BANP: variants seen among roughly 807,000 people sequenced by gnomAD.
BANP encodes the protein BTG3 associated nuclear protein.
BANP carries 11 observed loss-of-function variants against 68.1 expected under a neutral mutation model. The observed-to-expected ratio is 0.16, with a 90% CI of 0.10 to 0.27. The LOEUF (loss-of-function observed/expected upper bound fraction) is 0.27. Ranked by LOEUF, BANP falls within the 10% of genes least tolerant of loss-of-function variation. The probability of loss-of-function intolerance (pLI) is 1.00; values close to 1 mark genes in which losing one functional copy is unlikely to be tolerated. For synonymous variants in BANP, 329 were observed against 303.2 expected (o/e 1.09, Z -0.88); for missense variants, 504 against 722.7 (o/e 0.70, Z 3.47).
intron 4 of BANP, among the ~76,000 whole-genome samples, chr16:87,987,368 C>T (rs2064708510): frequency 6.6e-6 from 1 of 152,132 alleles, no homozygotes; most frequent in Non-Finnish European, 1.5e-5. Context: ...CGTGAGCCAC[C>T]ACGCCTAGTG....
rs1437805717 is a variant in BANP at position 88,074,870 on chromosome 16, G to A, written c.1522-1720G>A. ...CCTGGAAGGCCCCTCCTCCATCCAG[G>A]GAACAGTATATCGAGTGTCATTTGA... is the stretch of plus-strand genomic sequence containing the variant. On this transcript the variant is annotated intron_variant, in intron 13 of 13. Coordinates refer to ENST00000682872, the MANE Select transcript of BANP (RefSeq NM_001386991.1). Among the ~76,000 whole-genome samples the A allele has an allele frequency of 3.3e-5, 5 of 152,254 alleles. No individual in the cohort carries two copies. The East Asian group carries it at 9.7e-4, about 29-fold the overall frequency.
At chr16:87,952,742 C>T (rs1283952487) in intron 1 of BANP, 2 of 152,152 alleles carry the variant, frequency 1.3e-5, no homozygotes, top group African/African-American at 4.8e-5. Context: ...AGAATATATT[C>T]TTGCGATGTT....
At chr16:87,971,523 A>G (rs558203336) in intron 1 of BANP, among the ~76,000 whole-genome samples, 185 of 149,154 alleles carry the variant, frequency 1.2e-3, no homozygotes, top group African/African-American at 4.1e-3. Flanking sequence ...TTGGAGTTTG[A>G]TAGTTAATTT....
intron 11 of BANP, among the ~76,000 whole-genome samples, chr16:88,060,193 G>A (rs1051188844): frequency 1.3e-5 from 2 of 152,260 alleles, no homozygotes; most frequent in African/African-American, 2.4e-5. Context: ...TGGCAAGGCC[G>A]TATGTTTCTA....
chr16:87,989,006 CAAG>C (rs2065195201), intron 4 of BANP, among the ~76,000 whole-genome samples: 1 of 152,200 alleles, frequency 6.6e-6, no homozygotes, highest in South Asian at 2.1e-4. Context: ...CTCTGGAACA[CAAG>C]AAGGCAGTGG....
intron 11 of BANP, among the ~76,000 whole-genome samples, chr16:88,050,633 C>T (rs757583055): frequency 2.6e-4 from 40 of 152,172 alleles, no homozygotes; most frequent in Non-Finnish European, 4.7e-4. Flanking sequence ...AGAGCATCTG[C>T]ACTCAGAAAC....
chr16:88,075,004 G>C (rs546331912), intron 13 of BANP, among the ~76,000 whole-genome samples: 3 of 152,286 alleles, frequency 2.0e-5, no homozygotes, highest in African/African-American at 7.2e-5. Context: ...AGGACTTCAA[G>C]ACCAGCCTGG....
intron 4 of BANP, among the ~76,000 whole-genome samples, chr16:87,993,684 G>A (rs1157342313): frequency 1.3e-5 from 2 of 151,246 alleles, no homozygotes; most frequent in Non-Finnish European, 2.9e-5. Flanking sequence ...TGTAACCTCC[G>A]CCTCCTGGGT....
chr16:88,072,732 C>G (rs771284784), intron 13 of BANP, among the ~76,000 whole-genome samples: 1 of 152,236 alleles, frequency 6.6e-6, no homozygotes, highest in South Asian at 2.1e-4. Context: ...GAGGCCGTGC[C>G]GAAATCTCCA....
Position 88,036,632 on chromosome 16 carries a change from G to A in BANP, c.1272+1238G>A, listed in dbSNP as rs2079431669. On this transcript the variant is annotated intron_variant, in intron 10 of 13. Coordinates refer to ENST00000682872, the MANE Select transcript of BANP (RefSeq NM_001386991.1). The surrounding 1 kb of genome is among the most constrained non-coding windows in gnomAD (Gnocchi z 4.2). ...AGGGTTCTGAGGGCGGAATGAGGAT[G>A]AGGTGAAAGGGGAGGAACGAATTCA... Among the ~76,000 whole-genome samples the A allele has an allele frequency of 6.6e-6, 1 of 152,174 alleles. No homozygotes were observed. Among genetic ancestry groups the A allele is most frequent in the Admixed American group, 6.5e-5 (1 of 15,288 alleles).
chr16:88,055,644 G>T (rs111364802), intron 11 of BANP, among the ~76,000 whole-genome samples: 2 of 152,128 alleles, frequency 1.3e-5, no homozygotes, highest in African/African-American at 4.8e-5. Context: ...AGGAGAAGGA[G>T]TGTGTGTGTG....
Position 87,957,402 on chromosome 16 carries a change from C to G in BANP, c.-69+5887C>G, listed in dbSNP as rs1433698318. ...GTGTGTATTGGCTGCAGTCACCTCC[C>G]CTCTGCTCGTCTGTGTCCACATTCT... On this transcript the variant is annotated intron_variant, in intron 1 of 13. Transcript: ENST00000682872. This position sits in a 1 kb window ranked among gnomAD's most constrained non-coding sequence, Gnocchi z 4.3. Among the ~76,000 whole-genome samples, 1 of 152,174 alleles carries G rather than the reference C, an allele frequency of 6.6e-6. No individual in the cohort carries two copies.
At chr16:88,021,548 C>T (rs868666893) in intron 7 of BANP, among the ~76,000 whole-genome samples, 1 of 152,184 alleles carries the variant, frequency 6.6e-6, no homozygotes, top group African/African-American at 2.4e-5. Context: ...TCAGGCTAGG[C>T]GTGCCTGCGT....
intron 8 of BANP, among the ~76,000 whole-genome samples, chr16:88,029,782 T>C (rs1041652489): frequency 2.6e-5 from 4 of 151,920 alleles, no homozygotes; most frequent in African/African-American, 9.7e-5. Flanking sequence ...AGAAGGAACA[T>C]GAGAGGAGGG....
At chr16:88,006,444 C>G (rs1461874626) in intron 6 of BANP, among the ~76,000 whole-genome samples, 179 bp downstream of exon 6, 1 of 148,556 alleles carries the variant, frequency 6.7e-6, no homozygotes, top group Non-Finnish European at 1.5e-5. Context: ...GTCGGGAGTT[C>G]GAGACCAGCC....
chr16:87,964,045 T>C (rs1164286132), intron 1 of BANP, among the ~76,000 whole-genome samples: 2 of 152,274 alleles, frequency 1.3e-5, no homozygotes, highest in African/African-American at 4.8e-5. Flanking sequence ...GTTCATCAGA[T>C]GTGTCAATCA....
rs1256581945 is a variant in BANP at position 88,038,517 on chromosome 16, C to T, written c.1311+506C>T. On this transcript the variant is annotated intron_variant, in intron 11 of 13. Coordinates refer to ENST00000682872, the MANE Select transcript of BANP (RefSeq NM_001386991.1). ...GATGGTTATTTTCTGCACACGCATG[C>T]GTATGTTGATGGTGGTCATGTTTGC... Among the ~76,000 whole-genome samples the T allele has an allele frequency of 2.7e-5, 4 of 145,492 alleles. No individual in the cohort carries two copies. In the East Asian group the frequency reaches 8.6e-4, roughly 31 times the overall value.
intron 11 of BANP, among the ~76,000 whole-genome samples, chr16:88,053,290 GTCCCCT>G (rs2083807111): frequency 8.6e-6 from 1 of 116,438 alleles, no homozygotes. Flanking sequence ...CACCAACACA[GTCCCCT>G]TCACCACCAC....
chr16:88,050,357 A>G (rs1322022138), intron 11 of BANP, among the ~76,000 whole-genome samples: 1 of 152,048 alleles, frequency 6.6e-6, no homozygotes, highest in African/African-American at 2.4e-5. Flanking sequence ...GGATTTTGCC[A>G]TGTTGCCAGG....
Sources: gnomAD v4.1 joint callset for allele counts (sites outside exome capture counted in the v4.1 genomes callset) on GRCh38, gnomAD v4.1.1 for gene constraint, Gnocchi (gnomAD v3.1) non-coding constraint, MANE v1.5 for transcripts, NCBI Gene and HGNC (gene_info 2026-07-23, HGNC 2026-07-21) for gene names.